Variants in ITPR2 observed in about 807,000 individuals in gnomAD.
ITPR2 encodes inositol 1,4,5-trisphosphate-gated calcium channel ITPR2.
In ITPR2, 207 loss-of-function variants were observed where a neutral mutation model predicts 317.1. That is an observed-to-expected ratio of 0.65 (90% CI 0.58 to 0.73). The LOEUF (loss-of-function observed/expected upper bound fraction) is 0.73, where lower values mean the gene tolerates loss of function less well. Among genes scored for constraint, ITPR2 ranks in the 30% least tolerant of loss-of-function variants. ITPR2 has a pLI of 0.00. For missense variants in ITPR2, 2,613 were observed against 3,284.0 expected (o/e 0.80, Z 4.99); for synonymous variants, 1,156 against 1,149.1 (o/e 1.01, Z -0.12).
At chr12:26,585,480 T>C (rs535285377) in intron 32 of ITPR2, among the ~76,000 whole-genome samples, 1 of 152,226 alleles carries the variant, frequency 6.6e-6, no homozygotes, top group African/African-American at 2.4e-5. Flanking sequence ...AATCAGCTCA[T>C]TGCAACCTCC....
chr12:26,749,177 G>C (rs1253326991), intron 2 of ITPR2, among the ~76,000 whole-genome samples: 1 of 152,168 alleles, frequency 6.6e-6, no homozygotes, highest in East Asian at 1.9e-4. Context: ...ATGGAAACTA[G>C]AGGAAGAAAT....
chr12:26,427,848 A>ATTT, intron 49 of ITPR2, 65 bp downstream of exon 49: 1 of 1,072,736 alleles, frequency 9.3e-7, no homozygotes, highest in Non-Finnish European at 1.2e-6. Context: ...TTATAGTTAT[A>ATTT]TTTTTATATT....
chr12:26,369,420 A>G (rs1296970535), intron 55 of ITPR2, among the ~76,000 whole-genome samples: 1 of 152,242 alleles, frequency 6.6e-6, no homozygotes, highest in Non-Finnish European at 1.5e-5. Context: ...TGGAAGTTTT[A>G]GAAAGTAGTG....
At chr12:26,495,996 T>C (rs928401313) in intron 37 of ITPR2, among the ~76,000 whole-genome samples, 12 of 152,236 alleles carry the variant, frequency 7.9e-5, no homozygotes, top group Non-Finnish European at 1.8e-4. Flanking sequence ...TTCAATTTTG[T>C]ACTGACTACA....
At chr12:26,830,413 G>A (rs572276214) in intron 1 of ITPR2, among the ~76,000 whole-genome samples, 221 of 152,320 alleles carry the variant, frequency 1.5e-3, no homozygotes, top group Non-Finnish European at 2.7e-3. Context: ...TACATTAAAG[G>A]TTAGTCTAGC....
intron 14 of ITPR2, among the ~76,000 whole-genome samples, chr12:26,665,364 A>G (rs1372112932): frequency 6.6e-6 from 1 of 152,184 alleles, no homozygotes; most frequent in Non-Finnish European, 1.5e-5. Context: ...GGTCCATGGT[A>G]GGCTGTCTCT....
At position 26,686,603 on chromosome 12, in the gene ITPR2, T is replaced by A; in HGVS notation, c.1026A>T (p.Lys342Asn). Reference protein sequence around the residue: ...VRDGVPPTSKKKRQAGEKIMY... With the variant: ...VRDGVPPTSKNKRQAGEKIMY... ...TGATCTTCTCCCCTGCCTGGCGTTT[T>A]TTCTTTGAAGTTGGAGGGACTCCAT... Residue 342 changes from lysine to asparagine, a missense_variant, in exon 11 of 57, where the codon AAA becomes AAT. Physicochemically the swap from Lys to Asn is moderately conservative, Grantham distance 94. Around this residue, in one of 9 missense-constraint regions of ITPR2, gnomAD observed 515 missense variants for 789.4 expected, o/e 0.65. Coordinates refer to ENST00000381340, the MANE Select transcript of ITPR2 (RefSeq NM_002223.4). 2.5e-6 allele frequency: 4 copies of A among 1,610,852 alleles called. No individual in the cohort carries two copies. The South Asian group carries it at 4.4e-5, about 18-fold the overall frequency.
At chr12:26,460,181 C>A (rs996494985) in intron 45 of ITPR2, among the ~76,000 whole-genome samples, 3 of 152,208 alleles carry the variant, frequency 2.0e-5, no homozygotes, top group African/African-American at 7.2e-5. Flanking sequence ...CCTGATCCGA[C>A]CCTGCCTCCA....
At position 26,832,716 on chromosome 12, in the gene ITPR2, C is replaced by G. The variant is rs376445999; in HGVS notation, c.66G>C (p.Ser22=). The stretch of plus-strand genomic sequence containing the variant: ...CCAAGGTGCTGATGAAGCCGTTGAC[C>G]GAGCCCTCCGCGTACAGGGACACGA... ...GDIVSLYAEG[S]VNGFISTLGL... The change falls in exon 1 of 57, where the codon TCG becomes TCC. Residue 22 remains serine (S), a synonymous_variant. Transcript: ENST00000381340. The G allele has an allele frequency of 6.2e-7, 1 of 1,600,324 alleles. No individual in the cohort carries two copies. Among genetic ancestry groups the G allele is most frequent in the Non-Finnish European group, 8.5e-7 (1 of 1,174,284 alleles).
chr12:26,708,048 A>G lies in ITPR2; in HGVS notation c.951+3125T>C, dbSNP rs555842588. 8.5e-5 allele frequency among the ~76,000 whole-genome samples: 13 copies of G among 152,336 alleles called. 1 individual carries two copies. The South Asian group carries it at 1.2e-3, about 15-fold the overall frequency. ...AAATGCCAACCAAAACTACAATAAGATATCATCTCACCCCGTTTAAAATGA... is the reference window on the plus strand; with the variant it reads ...AAATGCCAACCAAAACTACAATAAGGTATCATCTCACCCCGTTTAAAATGA... On this transcript the variant is annotated intron_variant, in intron 9 of 56. Transcript: ENST00000381340.
In ITPR2 at chr12:26,580,149, T is replaced by G; in HGVS notation, c.4387A>C (p.Asn1463His). The change falls in exon 33 of 57, where the codon AAC (asparagine) becomes CAC (histidine). Residue 1463 changes from asparagine to histidine, a missense_variant. Asn to His is a moderately conservative substitution (Grantham distance 68, BLOSUM62 1). Transcript: ENST00000381340. ...NFLVDMARVC[N>H]TTTDRKHADI... is the part of the protein sequence containing the mutation. Reference sequence around the variant, plus strand: ...GCATGTTTCCTGTCTGTAGTTGTGTTGCAAACCTGGAGAGAAAATAAAACA... The same window carrying G: ...GCATGTTTCCTGTCTGTAGTTGTGTGGCAAACCTGGAGAGAAAATAAAACA... 1 of 1,611,164 alleles carries G rather than the reference T, an allele frequency of 6.2e-7. No individual in the cohort carries two copies. Among genetic ancestry groups the G allele is most frequent in the Non-Finnish European group, 8.5e-7 (1 of 1,178,436 alleles).
chr12:26,474,418 A>T (rs1391785144), intron 45 of ITPR2, among the ~76,000 whole-genome samples: 1 of 152,248 alleles, frequency 6.6e-6, no homozygotes, highest in Non-Finnish European at 1.5e-5. Context: ...TTTAAAGTTG[A>T]TCTTCATGTT....
At chr12:26,786,957 A>T (rs1950264169) in intron 2 of ITPR2, among the ~76,000 whole-genome samples, 2 of 152,224 alleles carry the variant, frequency 1.3e-5, no homozygotes, top group South Asian at 4.1e-4. Context: ...GGCAGTCTGG[A>T]AATGCTGGGA....
intron 1 of ITPR2, among the ~76,000 whole-genome samples, chr12:26,822,731 G>A (rs1950955244): frequency 6.6e-6 from 1 of 152,128 alleles, no homozygotes; most frequent in South Asian, 2.1e-4. Flanking sequence ...TCCTGACTGG[G>A]CTTTATAGTA....
At chr12:26,630,233 A>G (rs953114243) in intron 22 of ITPR2, among the ~76,000 whole-genome samples, 1 of 152,240 alleles carries the variant, frequency 6.6e-6, no homozygotes, top group African/African-American at 2.4e-5. Context: ...TACATGCAGC[A>G]TTGTATTCCA....
intron 54 of ITPR2, among the ~76,000 whole-genome samples, chr12:26,390,146 G>T (rs1484938564): frequency 6.6e-6 from 1 of 152,172 alleles, no homozygotes; most frequent in Admixed American, 6.5e-5. Flanking sequence ...GAATCCTCAT[G>T]CACTGCTAAC....
chr12:26,398,639 G>A (rs1381513500), intron 54 of ITPR2, among the ~76,000 whole-genome samples: 1 of 152,200 alleles, frequency 6.6e-6, no homozygotes, highest in African/African-American at 2.4e-5. Context: ...CATTTCTATA[G>A]TCAGAGAATC....
chr12:26,532,347 A>C (rs1160587219), intron 37 of ITPR2, among the ~76,000 whole-genome samples: 2 of 152,202 alleles, frequency 1.3e-5, no homozygotes, highest in East Asian at 1.9e-4. Flanking sequence ...AACAGTATAA[A>C]ACACTCCTCC....
At chr12:26,605,882 G>T (rs1591954136) in intron 26 of ITPR2, among the ~76,000 whole-genome samples, 1 of 152,218 alleles carries the variant, frequency 6.6e-6, no homozygotes. Flanking sequence ...GGAACATCTG[G>T]ATGATTCCAA....
Sources: allele counts gnomAD v4.1 joint callset (sites outside exome capture counted in the v4.1 genomes callset), GRCh38; gene constraint gnomAD v4.1.1; regional missense constraint gnomAD v4.1.1; transcripts MANE v1.5; gene names NCBI Gene and HGNC (gene_info 2026-07-23, HGNC 2026-07-21).